The following PCDHGA1 variants were observed in gnomAD, a reference collection of about 807,000 sequenced individuals.
The protein encoded by PCDHGA1 is protocadherin gamma-A1.
A neutral mutation model predicts 58.0 loss-of-function variants in PCDHGA1; 32 were observed. The ratio of observed to expected loss-of-function variants is 0.55; its 90% CI spans 0.42 to 0.74. The LOEUF is 0.74. Among genes scored for constraint, PCDHGA1 ranks in the 30% least tolerant of loss-of-function variants. The probability of loss-of-function intolerance (pLI) is 0.00; values close to 1 mark genes in which losing one functional copy is unlikely to be tolerated. For missense variants in PCDHGA1, 1,205 were observed against 1,182.3 expected (o/e 1.02, Z -0.28); for synonymous variants, 498 against 501.1 (o/e 0.99, Z 0.08).
intron 1 of PCDHGA1, chr5:141,371,624 G>A (rs1429175978): frequency 6.2e-7 from 1 of 1,613,994 alleles, no homozygotes. Context: ...ATGGAGCCCT[G>A]GACCGGGAGC....
intron 1 of PCDHGA1, among the ~76,000 whole-genome samples, chr5:141,457,873 G>C (rs967389295): frequency 2.0e-5 from 3 of 152,200 alleles, no homozygotes; most frequent in Non-Finnish European, 4.4e-5. Context: ...CCACAGGTTA[G>C]GAACCCTGTG....
rs771298166 is a variant in PCDHGA1 at position 141,345,041 on chromosome 5, G to T, written c.2421+11936G>T. On this transcript the variant is annotated intron_variant, in intron 1 of 3. Coordinates refer to ENST00000517417, the MANE Select transcript of PCDHGA1 (RefSeq NM_018912.3). ...TTTCAAGAGCCAAGATTCTAGTCAC[G>T]GTTCTGGATGTGAATGACAATGCTC... 5.0e-6 allele frequency: 8 copies of T among 1,613,824 alleles called. No homozygotes were observed. The African/African-American group carries it at 6.7e-5, about 13-fold the overall frequency.
At chr5:141,423,742 A>C in intron 1 of PCDHGA1, 1 of 514,328 alleles carries the variant, frequency 1.9e-6, no homozygotes, top group Non-Finnish European at 2.4e-6. Context: ...CCTGTTATGA[A>C]AACTGTTTGG....
In PCDHGA1 at chr5:141,362,410, C is replaced by T. The variant is rs374650665; in HGVS notation, c.2421+29305C>T. The stretch of plus-strand genomic sequence containing the variant: ...TTCCTACAACCTGTGTGTTGCCTCA[C>T]AATCAGCCAAGACAGAGTTCAATTT... On this transcript the variant is annotated intron_variant, in intron 1 of 3. Coordinates refer to ENST00000517417, the MANE Select transcript of PCDHGA1 (RefSeq NM_018912.3). 2.5e-6 allele frequency: 4 copies of T among 1,613,916 alleles called. No individual in the cohort carries two copies. The African/African-American group carries it at 5.3e-5, about 22-fold the overall frequency.
In PCDHGA1 at chr5:141,395,340, G is replaced by C. The variant is rs529007241; in HGVS notation, c.2421+62235G>C. 3 of 1,419,480 alleles carry C rather than the reference G, an allele frequency of 2.1e-6. No individual in the cohort carries two copies. In the African/African-American group the frequency reaches 4.3e-5, roughly 20 times the overall value. The allele number at this position is 1,419,480 out of a possible 1,614,324, so 87.9% of individuals were successfully genotyped here. On this transcript the variant is annotated intron_variant, in intron 1 of 3. Transcript: ENST00000517417. ...GAAGATAGTTGAAAATAATTTTTAA[G>C]GTGTATCACAGAGTTTTGGGTTTAT...
At chr5:141,395,407 G>T (rs1467176036) in intron 1 of PCDHGA1, 3 of 826,654 alleles carry the variant, frequency 3.6e-6, no homozygotes, top group Non-Finnish European at 5.4e-6. Context: ...ATAGTCATAG[G>T]TTATTGTTTC....
At chr5:141,344,009 G>A in intron 1 of PCDHGA1, 1 of 1,509,776 alleles carries the variant, frequency 6.6e-7, no homozygotes, top group Non-Finnish European at 8.9e-7. Context: ...ACCGAATTCA[G>A]AGAAAGCGAT....
In PCDHGA1 at chr5:141,498,877, G is replaced by A. The variant is rs886444261; in HGVS notation, c.2480+4012G>A. ...GAACCCAGGAGGCGGAGGTTGCAGTGAGCTGAGATCACACCACTGCACTCC... is the reference window on the plus strand; with the variant it reads ...GAACCCAGGAGGCGGAGGTTGCAGTAAGCTGAGATCACACCACTGCACTCC... On this transcript the variant is annotated intron_variant, in intron 2 of 3. Coordinates refer to ENST00000517417, the MANE Select transcript of PCDHGA1 (RefSeq NM_018912.3). Among the ~76,000 whole-genome samples, 8 of 149,816 alleles carry A rather than the reference G, an allele frequency of 5.3e-5. No individual in the cohort carries two copies. In the East Asian group the frequency reaches 1.4e-3, roughly 26 times the overall value.
At chr5:141,365,948 C>A (rs761134623) in intron 1 of PCDHGA1, 2 of 1,614,186 alleles carry the variant, frequency 1.2e-6, no homozygotes, top group Admixed American at 3.3e-5. Context: ...CAGTGGGAAC[C>A]CTCCACTTAG....
chr5:141,476,357 C>G lies in PCDHGA1; in HGVS notation c.2422-18450C>G. On this transcript the variant is annotated intron_variant, in intron 1 of 3. Transcript: ENST00000517417. The surrounding 1 kb of genome is among the most constrained non-coding windows in gnomAD (Gnocchi z 7.6). ...TAGCCGAAGATTCTTTGAGGTGAAC[C>G]GGGAGACCGGAGAGATGTTTGTGAA... The G allele has an allele frequency of 6.2e-7, 1 of 1,614,052 alleles. No individual in the cohort carries two copies. Among genetic ancestry groups the G allele is most frequent in the South Asian group, 1.1e-5 (1 of 91,078 alleles).
Position 141,397,997 on chromosome 5 carries a change from C to T in PCDHGA1, c.2421+64892C>T, listed in dbSNP as rs2093595590. ...GCCGGCCTTTACACCGCTTCCTCCTCGGAAAAAGAATCGTTTCCTAAACTG... is the reference window on the plus strand; with the variant it reads ...GCCGGCCTTTACACCGCTTCCTCCTTGGAAAAAGAATCGTTTCCTAAACTG... On this transcript the variant is annotated intron_variant, in intron 1 of 3. Coordinates refer to ENST00000517417, the MANE Select transcript of PCDHGA1 (RefSeq NM_018912.3). The T allele has an allele frequency of 6.6e-6, 9 of 1,372,980 alleles. No individual in the cohort carries two copies. The Admixed American group carries it at 2.4e-4, about 37-fold the overall frequency. The allele number at this position is 1,372,980 out of a possible 1,614,324, so 85.0% of individuals were successfully genotyped here.
In PCDHGA1 at chr5:141,423,270, T is replaced by G. The variant is rs1304998648; in HGVS notation, c.2422-71537T>G. 3 of 1,613,686 alleles carry G rather than the reference T, an allele frequency of 1.9e-6. No homozygotes were observed. The African/African-American group carries it at 4.0e-5, about 22-fold the overall frequency. ...TGGCGGACCTCGGCAGCCTCGAGTC[T>G]CTGGCTAACTCTGAAACCTCAGACC... is the stretch of plus-strand genomic sequence containing the variant. On this transcript the variant is annotated intron_variant, in intron 1 of 3. Transcript: ENST00000517417.
intron 1 of PCDHGA1, among the ~76,000 whole-genome samples, chr5:141,336,891 G>T (rs1298419700): frequency 6.6e-6 from 1 of 152,174 alleles, no homozygotes; most frequent in Non-Finnish European, 1.5e-5. Context: ...TCATGTATCT[G>T]AGAATGGATA....
At chr5:141,434,553 G>T (rs1203568173) in intron 1 of PCDHGA1, among the ~76,000 whole-genome samples, 1 of 152,202 alleles carries the variant, frequency 6.6e-6, no homozygotes, top group Admixed American at 6.5e-5. Flanking sequence ...AGTGATCTGT[G>T]CCTTAAGGAC....
intron 1 of PCDHGA1, chr5:141,428,404 T>A (rs375988962): frequency 2.3e-5 from 11 of 476,688 alleles, no homozygotes; most frequent in East Asian, 2.1e-4. Flanking sequence ...TGCCTGGGGT[T>A]GCTTTCACCC....
At position 141,487,855 on chromosome 5, in the gene PCDHGA1, A is replaced by T; in HGVS notation, c.2422-6952A>T. 1 of 974,210 alleles carries T rather than the reference A, an allele frequency of 1.0e-6. No homozygotes were observed. 60.3% of individuals were successfully genotyped at this position (974,210 alleles called of 1,614,324 possible). A position where few individuals can be genotyped will look rare whatever the true frequency, so the allele number is the denominator to read the frequency against. On this transcript the variant is annotated intron_variant, in intron 1 of 3. Coordinates refer to ENST00000517417, the MANE Select transcript of PCDHGA1 (RefSeq NM_018912.3). This position sits in a 1 kb window ranked among gnomAD's most constrained non-coding sequence, Gnocchi z 5.0. Reference sequence around the variant, plus strand: ...TATATCTGAGTAAGAAATGAAAGTAATTGGTGATCAAGAGCCAGGCTGTTG... The same window carrying T: ...TATATCTGAGTAAGAAATGAAAGTATTTGGTGATCAAGAGCCAGGCTGTTG...
rs775088983 is a variant in PCDHGA1, at chr5:141,341,178, A to G, written c.2421+8073A>G. ...TCAGGAGGCAGCTTGACAGGCATGC[A>G]GAGCTCGCACTTTGTGGGCGTGGAC... On this transcript the variant is annotated intron_variant, in intron 1 of 3. Coordinates refer to ENST00000517417, the MANE Select transcript of PCDHGA1 (RefSeq NM_018912.3). 20 of 1,613,658 alleles carry G rather than the reference A, an allele frequency of 1.2e-5. No homozygotes were observed. Among genetic ancestry groups the G allele is most frequent in the Non-Finnish European group, 1.7e-5 (20 of 1,179,574 alleles).
At chr5:141,385,354 G>A (rs1781142945) in intron 1 of PCDHGA1, 1 of 1,550,398 alleles carries the variant, frequency 6.4e-7, no homozygotes, top group South Asian at 1.2e-5. Context: ...ATTTCCATGA[G>A]GAATTTATTT....
Position 141,432,492 on chromosome 5 carries a change from C to G in PCDHGA1, c.2422-62315C>G. The G allele has an allele frequency of 6.2e-7, 1 of 1,614,168 alleles. No individual in the cohort carries two copies. The highest frequency in any genetic ancestry group is 8.5e-7 in the Non-Finnish European group (1 of 1,180,040). On this transcript the variant is annotated intron_variant, in intron 1 of 3. Transcript: ENST00000517417. This position sits in a 1 kb window ranked among gnomAD's most constrained non-coding sequence, Gnocchi z 6.0. Reference sequence around the variant, plus strand: ...GACGGTTCCACTGGCGTGGAGCTGGCTCCCCGCTCCGCAGAGCCCGGCTAC... The same window carrying G: ...GACGGTTCCACTGGCGTGGAGCTGGGTCCCCGCTCCGCAGAGCCCGGCTAC...
Sources: gnomAD v4.1 joint callset for allele counts (sites outside exome capture counted in the v4.1 genomes callset) on GRCh38, gnomAD v4.1.1 for gene constraint, Gnocchi (gnomAD v3.1) non-coding constraint, MANE v1.5 for transcripts, NCBI Gene and HGNC (gene_info 2026-07-23, HGNC 2026-07-21) for gene names.